TTC28: variants seen among roughly 807,000 people sequenced by gnomAD.
The protein encoded by TTC28 is tetratricopeptide repeat protein 28.
Under a neutral mutation model 198.0 loss-of-function variants are expected in TTC28, and 61 were observed. That is an observed-to-expected ratio of 0.31 (90% CI 0.25 to 0.38). TTC28 has a LOEUF of 0.38. Among genes scored for constraint, TTC28 ranks in the 10% least tolerant of loss-of-function variants. The probability of loss-of-function intolerance (pLI) is 1.00; values close to 1 mark genes in which losing one functional copy is unlikely to be tolerated. For synonymous variants in TTC28, 1,171 were observed against 1,297.8 expected (o/e 0.90, Z 2.10); for missense variants, 2,678 against 3,164.0 (o/e 0.85, Z 3.69).
intron 2 of TTC28, among the ~76,000 whole-genome samples, chr22:28,318,640 C>T (rs145218078): frequency 1.4e-4 from 22 of 152,032 alleles, no homozygotes; most frequent in African/African-American, 5.3e-4. Flanking sequence ...GAACTGGAAC[C>T]TCTTTTTGAA....
intron 2 of TTC28, among the ~76,000 whole-genome samples, chr22:28,430,509 A>T (rs530710079): frequency 3.9e-5 from 6 of 152,258 alleles, no homozygotes; most frequent in African/African-American, 1.4e-4. Context: ...AACTAATATT[A>T]CCCAAAGGAG....
intron 5 of TTC28, among the ~76,000 whole-genome samples, chr22:28,218,821 T>C (rs1234354241): frequency 6.6e-6 from 1 of 152,136 alleles, no homozygotes; most frequent in Non-Finnish European, 1.5e-5. Flanking sequence ...CTCCAGCCCT[T>C]TTAACTTCAA....
chr22:28,249,366 A>G (rs1930349135), intron 5 of TTC28, among the ~76,000 whole-genome samples: 1 of 152,162 alleles, frequency 6.6e-6, no homozygotes, highest in Non-Finnish European at 1.5e-5. Context: ...TCTAATTATC[A>G]TCACTTCTCA....
At chr22:28,579,486 G>A (rs2050201634) in intron 2 of TTC28, among the ~76,000 whole-genome samples, 1 of 147,344 alleles carries the variant, frequency 6.8e-6, no homozygotes. Flanking sequence ...ATTATATATA[G>A]TTATATGTAT....
chr22:28,599,527 G>A (rs1364790021), intron 2 of TTC28, among the ~76,000 whole-genome samples: 1 of 152,174 alleles, frequency 6.6e-6, no homozygotes, highest in Non-Finnish European at 1.5e-5. Flanking sequence ...GGTGGCTCAT[G>A]CCTGTAATCC....
At chr22:28,124,825 T>C (rs535978768) in intron 6 of TTC28, among the ~76,000 whole-genome samples, 1 of 152,276 alleles carries the variant, frequency 6.6e-6, no homozygotes, top group African/African-American at 2.4e-5. Flanking sequence ...TCCTAGAACT[T>C]GGAGTTGAGG....
At chr22:28,603,238 C>T (rs2050670878) in intron 2 of TTC28, among the ~76,000 whole-genome samples, 1 of 151,990 alleles carries the variant, frequency 6.6e-6, no homozygotes, top group African/African-American at 2.4e-5. Flanking sequence ...AATATTTCAT[C>T]ATTTGGAAAG....
At chr22:28,530,489 G>A (rs918032537) in intron 2 of TTC28, among the ~76,000 whole-genome samples, 6 of 152,140 alleles carry the variant, frequency 3.9e-5, no homozygotes, top group Non-Finnish European at 7.3e-5. Context: ...ACACTCTCAG[G>A]ATATTATCCA....
chr22:28,320,987 CA>C (rs1267702121), intron 2 of TTC28, among the ~76,000 whole-genome samples: 4 of 152,154 alleles, frequency 2.6e-5, no homozygotes, highest in African/African-American at 9.7e-5. Context: ...TGCTGATTCT[CA>C]AGGTTTTATT....
chr22:28,585,568 A>C (rs2050301955), intron 2 of TTC28, among the ~76,000 whole-genome samples: 1 of 152,158 alleles, frequency 6.6e-6, no homozygotes, highest in African/African-American at 2.4e-5. Flanking sequence ...CCTAGTTCCT[A>C]ACAGGACACG....
intron 2 of TTC28, among the ~76,000 whole-genome samples, chr22:28,558,237 T>A (rs569590541): frequency 6.6e-6 from 1 of 152,358 alleles, no homozygotes; most frequent in South Asian, 2.1e-4. Context: ...TATCATGGAC[T>A]AATTTAACAT....
At chr22:28,561,368 G>A (rs371164682) in intron 2 of TTC28, among the ~76,000 whole-genome samples, 3 of 152,268 alleles carry the variant, frequency 2.0e-5, no homozygotes, top group South Asian at 2.1e-4. Context: ...GAGACACCAC[G>A]CCCGGCCATC....
At chr22:28,382,971 A>G (rs1320815703) in intron 2 of TTC28, among the ~76,000 whole-genome samples, 1 of 152,214 alleles carries the variant, frequency 6.6e-6, no homozygotes, top group African/African-American at 2.4e-5. Flanking sequence ...ATTGTTAAAA[A>G]TGATGACCAA....
chr22:28,349,874 A>T (rs140115919), intron 2 of TTC28, among the ~76,000 whole-genome samples: 102 of 152,368 alleles, frequency 6.7e-4, no homozygotes, highest in African/African-American at 2.5e-3. Context: ...CAAATGAATG[A>T]CATGATCCCA....
chr22:28,305,230 A>C (rs1254765487), intron 3 of TTC28, among the ~76,000 whole-genome samples: 1 of 152,028 alleles, frequency 6.6e-6, no homozygotes, highest in East Asian at 1.9e-4. Flanking sequence ...TGACCTCGTG[A>C]TCTGCCCACC....
At chr22:28,253,389 C>T (rs957405509) in intron 5 of TTC28, among the ~76,000 whole-genome samples, 25 of 152,068 alleles carry the variant, frequency 1.6e-4, no homozygotes, top group African/African-American at 6.0e-4. Context: ...TTGCCTAAAT[C>T]ACCACTAGGT....
rs1414494525 is a variant in TTC28 at position 27,985,343 on chromosome 22, A to C, written c.5721T>G (p.Cys1907Trp). Residue 1907 changes from cysteine (C) to tryptophan (W), a missense_variant, in exon 22 of 23, where the codon TGT becomes TGG. Around this residue, in one of 8 missense-constraint regions of TTC28, gnomAD observed 314 missense variants for 442.7 expected, o/e 0.71. Coordinates refer to ENST00000397906, the MANE Select transcript of TTC28 (RefSeq NM_001145418.2). The part of the protein sequence containing the change: ...EFLAALGFDL[C>W]EVGQEEVILK... ...GGATTACTTCCTCCTGACCAACTTC[A>C]CAGAGATCAAAACCTAGAGGAACAA... 1 of 1,551,100 alleles carries C rather than the reference A, an allele frequency of 6.4e-7. No individual in the cohort carries two copies. The highest frequency in any genetic ancestry group is 1.2e-5 in the South Asian group (1 of 84,026).
Position 28,014,243 on chromosome 22 carries a change from C to G in TTC28, c.4218+5G>C. ...AGGAGCCTTGTGCCCCCAGGAGGTGCTTACCCCTTCCATGGGCGCGATGAG... is the reference window on the plus strand; with the variant it reads ...AGGAGCCTTGTGCCCCCAGGAGGTGGTTACCCCTTCCATGGGCGCGATGAG... On this transcript the variant is annotated splice_donor_5th_base_variant and intron_variant, in intron 14 of 22. Coordinates refer to ENST00000397906, the MANE Select transcript of TTC28 (RefSeq NM_001145418.2). 6.5e-7 allele frequency: 1 copy of G among 1,549,254 alleles called. No individual in the cohort carries two copies. Among genetic ancestry groups the G allele is most frequent in the African/African-American group, 1.4e-5 (1 of 73,128 alleles).
intron 1 of TTC28, among the ~76,000 whole-genome samples, chr22:28,668,862 T>C (rs1388664812): frequency 2.4e-4 from 1 of 4,240 alleles, no homozygotes; most frequent in African/African-American, 1.0e-3. Flanking sequence ...CGTATGTTTA[T>C]TGCGGCACTA....
Sources: gnomAD v4.1 joint callset for allele counts (sites outside exome capture counted in the v4.1 genomes callset) on GRCh38, gnomAD v4.1.1 for gene constraint, gnomAD v4.1.1 regional missense constraint, MANE v1.5 for transcripts, NCBI Gene and HGNC (gene_info 2026-07-23, HGNC 2026-07-21) for gene names.